Variants in PNPLA8 observed in about 807,000 individuals in gnomAD.
PNPLA8 encodes patatin like domain 8, phospholipase A2.
In PNPLA8, 39 loss-of-function variants were observed where a neutral mutation model predicts 76.9. The observed-to-expected ratio is 0.51, with a 90% CI of 0.39 to 0.66. The LOEUF (loss-of-function observed/expected upper bound fraction) is 0.66, where lower values mean the gene tolerates loss of function less well. Among genes scored for constraint, PNPLA8 ranks in the 30% least tolerant of loss-of-function variants. PNPLA8 has a pLI of 0.00. For missense variants in PNPLA8, 887 were observed against 918.0 expected, an observed-to-expected ratio of 0.97 and a Z score of 0.44; for synonymous variants, 301 against 307.9, an observed-to-expected ratio of 0.98 and a Z score of 0.24.
intron 7 of PNPLA8, 71 bp downstream of exon 7, chr7:108,496,512 CA>C: frequency 3.5e-6 from 3 of 869,254 alleles, no homozygotes; most frequent in South Asian, 2.1e-5. Flanking sequence ...TTAATATTGA[CA>C]TTTTTCAAAT....
rs1448086027 is a variant in PNPLA8 at position 108,514,584 on chromosome 7, C to T, written c.908G>A (p.Gly303Asp). The T allele has an allele frequency of 1.2e-6, 2 of 1,614,082 alleles. No homozygotes were observed. Among genetic ancestry groups the T allele is most frequent in the Non-Finnish European group, 8.5e-7 (1 of 1,179,976 alleles). ...GGGGACAAGTCCACCAATATAACCA[C>T]CTACTAAAGCTTGTACACCTTCCGT... ...RPTEGVQALV[G>D]GYIGGLVPKL... The change falls in exon 3 of 11, where the codon GGT becomes GAT. Residue 303 changes from glycine to aspartate, a missense_variant. By Grantham distance (94) the Gly-to-Asp change is moderately conservative. Transcript: ENST00000257694.
intron 5 of PNPLA8, among the ~76,000 whole-genome samples, chr7:108,501,815 C>A (rs1159442760): frequency 6.6e-6 from 1 of 151,974 alleles, no homozygotes; most frequent in Non-Finnish European, 1.5e-5. Context: ...CAGAGCAAGA[C>A]TCTGTCTCCA....
intron 6 of PNPLA8, 78 bp downstream of exon 6, chr7:108,497,405 G>C (rs1032121550): frequency 4.2e-6 from 4 of 958,270 alleles, no homozygotes; most frequent in African/African-American, 1.7e-5. Flanking sequence ...AAAGGACTAT[G>C]ATCTTAAACA....
intron 4 of PNPLA8, among the ~76,000 whole-genome samples, chr7:108,512,784 T>C (rs924804224): frequency 6.6e-6 from 1 of 152,206 alleles, no homozygotes; most frequent in Non-Finnish European, 1.5e-5. Flanking sequence ...TTATTCATAA[T>C]TGATCTGAAT....
intron 9 of PNPLA8, among the ~76,000 whole-genome samples, chr7:108,485,659 G>T (rs981258362): frequency 6.6e-6 from 1 of 152,010 alleles, no homozygotes; most frequent in Admixed American, 6.6e-5. Context: ...TTACTTGAAC[G>T]TTTTCTTTGT....
chr7:108,498,039 T>C (rs1417595419), intron 5 of PNPLA8, among the ~76,000 whole-genome samples: 3 of 128,362 alleles, frequency 2.3e-5, no homozygotes, highest in African/African-American at 8.8e-5. Flanking sequence ...AGAAATCCAC[T>C]CAAATACACT....
In PNPLA8 at chr7:108,472,166, G is replaced by T; in HGVS notation, c.*235C>A. ...CTACTAAAATCTACTAGCACAGTAA[G>T]GGTTACTAAAGCTTAGCTAATTATT... On this transcript the variant is annotated 3_prime_UTR_variant, in exon 11 of 11. Transcript: ENST00000257694. 1 of 371,604 alleles carries T rather than the reference G, an allele frequency of 2.7e-6. No homozygotes were observed. The highest frequency in any genetic ancestry group is 4.9e-6 in the Non-Finnish European group (1 of 203,554). The allele number at this position is 371,604 out of a possible 1,614,324, so 23.0% of individuals were successfully genotyped here. A position where few individuals can be genotyped will look rare whatever the true frequency, so the allele number is the denominator to read the frequency against.
intron 10 of PNPLA8, among the ~76,000 whole-genome samples, chr7:108,475,834 C>T (rs1859950527): frequency 6.6e-6 from 1 of 152,146 alleles, no homozygotes; most frequent in South Asian, 2.1e-4. Flanking sequence ...CCTATGTTAC[C>T]TGTTTTCTCA....
chr7:108,526,742 A>G (rs1337842098), upstream of PNPLA8, among the ~76,000 whole-genome samples: 1 of 152,232 alleles, frequency 6.6e-6, no homozygotes, highest in African/African-American at 2.4e-5. Context: ...CGCCCCACAA[A>G]TGGTCCCACA....
Position 108,472,538 on chromosome 7 carries a change from T to C in PNPLA8, c.2212A>G (p.Ile738Val), listed in dbSNP as rs781083736. Reference protein sequence around the residue: ...DQLQLEGLKYIERNEQKMKKV... With the variant: ...DQLQLEGLKYVERNEQKMKKV... ...TTCATTTTTTGTTCATTTCTTTCTA[T>C]GTATTTCAACCCTTCCAACTGCAGC... is the stretch of plus-strand genomic sequence containing the variant. Residue 738 changes from isoleucine (I) to valine (V), a missense_variant, in exon 11 of 11, where the codon ATA becomes GTA. Coordinates refer to ENST00000257694, the MANE Select transcript of PNPLA8 (RefSeq NM_001256007.3). 7 of 1,612,568 alleles carry C rather than the reference T, an allele frequency of 4.3e-6. No homozygotes were observed. In the East Asian group the frequency reaches 6.7e-5, roughly 15 times the overall value.
At chr7:108,512,672 G>C (rs987961497) in intron 4 of PNPLA8, among the ~76,000 whole-genome samples, 10 of 152,076 alleles carry the variant, frequency 6.6e-5, no homozygotes, top group Non-Finnish European at 1.0e-4. Context: ...GTTCACACTA[G>C]AGTGTACATG....
intron 4 of PNPLA8, among the ~76,000 whole-genome samples, chr7:108,508,709 C>A (rs1436620521): frequency 1.3e-5 from 2 of 151,612 alleles, no homozygotes; most frequent in East Asian, 1.9e-4. Context: ...AAAGAGCCCA[C>A]ATTGCCAAGT....
intron 5 of PNPLA8, among the ~76,000 whole-genome samples, 163 bp downstream of exon 5, chr7:108,502,328 A>T (rs1313895925): frequency 6.6e-6 from 1 of 151,082 alleles, no homozygotes; most frequent in African/African-American, 2.4e-5. Context: ...CTGTAAATCC[A>T]GCTACTTGAG....
rs139968804 is a variant in PNPLA8 at position 108,510,725 on chromosome 7, C to A, written c.1206+3419G>T. The A allele has an allele frequency of 4.4e-6, 7 of 1,600,520 alleles. No individual in the cohort carries two copies. The East Asian group carries it at 1.6e-4, about 36-fold the overall frequency. ...TGGTTATGGCAAAATCAATAAGAAG[C>A]GAATTGCTTTGACAGATAACGCTTT... On this transcript the variant is annotated intron_variant, in intron 4 of 10. Coordinates refer to ENST00000257694, the MANE Select transcript of PNPLA8 (RefSeq NM_001256007.3).
intron 2 of PNPLA8, among the ~76,000 whole-genome samples, chr7:108,520,230 T>A (rs926840731): frequency 1.3e-5 from 2 of 152,240 alleles, no homozygotes; most frequent in Non-Finnish European, 2.9e-5. Flanking sequence ...ACAAGGCTCT[T>A]CTGAACTCCT....
intron 9 of PNPLA8, among the ~76,000 whole-genome samples, chr7:108,484,605 T>G (rs1241052666): frequency 6.6e-6 from 1 of 152,100 alleles, no homozygotes; most frequent in African/African-American, 2.4e-5. Flanking sequence ...TCCTTCCTCA[T>G]CCCATTTTCT....
chr7:108,511,090 A>T, intron 4 of PNPLA8: 1 of 662,518 alleles, frequency 1.5e-6, no homozygotes, highest in Non-Finnish European at 2.5e-6. Context: ...AAATAAATTA[A>T]GCATTTCTCT....
At chr7:108,504,486 G>A (rs923580227) in intron 4 of PNPLA8, among the ~76,000 whole-genome samples, 6 of 151,938 alleles carry the variant, frequency 3.9e-5, no homozygotes, top group Admixed American at 2.0e-4. Flanking sequence ...AAGATGACCC[G>A]AATAATTGAA....
chr7:108,515,218 T>C lies in PNPLA8; in HGVS notation c.274A>G (p.Lys92Glu). The C allele has an allele frequency of 6.2e-7, 1 of 1,604,406 alleles. No homozygotes were observed. Among genetic ancestry groups the C allele is most frequent in the Non-Finnish European group, 8.5e-7 (1 of 1,173,676 alleles). The part of the protein sequence containing the change: ...GILKLSTSAP[K>E]GLTKVNICMS... ...CAAATGTTCACTTTTGTAAGTCCCT[T>C]GGGAGCAGAAGTGCTAAGTTTCAAA... The change falls in exon 3 of 11, where the codon AAG (lysine) becomes GAG (glutamate). Residue 92 changes from lysine (K) to glutamate (E), a missense_variant. Transcript: ENST00000257694.
Sources: gnomAD v4.1 joint callset for allele counts (sites outside exome capture counted in the v4.1 genomes callset) on GRCh38, gnomAD v4.1.1 for gene constraint, MANE v1.5 for transcripts, NCBI Gene and HGNC (gene_info 2026-07-23, HGNC 2026-07-21) for gene names.